The following RFTN1 variants were observed in gnomAD, a reference collection of about 807,000 sequenced individuals.
RFTN1 encodes the protein raftlin.
In RFTN1, 26 loss-of-function variants were observed where a neutral mutation model predicts 46.5. The ratio of observed to expected loss-of-function variants is 0.56; its 90% CI spans 0.41 to 0.78. The LOEUF (loss-of-function observed/expected upper bound fraction) is 0.78, where lower values mean the gene tolerates loss of function less well. Among genes scored for constraint, RFTN1 ranks in the 30% least tolerant of loss-of-function variants. The pLI is 0.00. For synonymous variants in RFTN1, 261 were observed against 284.2 expected (o/e 0.92, Z 0.82); for missense variants, 693 against 718.7 (o/e 0.96, Z 0.41).
chr3:16,404,712 G>C (rs2074810002), intron 4 of RFTN1, among the ~76,000 whole-genome samples: 1 of 151,922 alleles, frequency 6.6e-6, no homozygotes, highest in African/African-American at 2.4e-5. Context: ...GCCTCCTCCA[G>C]TCTCAGTTCC....
intron 4 of RFTN1, among the ~76,000 whole-genome samples, chr3:16,389,013 AGAACATAAG>A (rs1380501696): frequency 2.6e-5 from 4 of 152,018 alleles, no homozygotes; most frequent in Non-Finnish European, 2.9e-5. Context: ...GTGAGTCAAA[AGAACATAAG>A]TTTAAAGAAT....
intron 4 of RFTN1, among the ~76,000 whole-genome samples, chr3:16,403,881 T>TA (rs549377920): frequency 0.9 from 7,298 of 8,126 alleles, 3,312 homozygotes; most frequent in Middle Eastern, 1. Flanking sequence ...TATTTATATA[T>TA]ATATATAATA....
chr3:16,494,925 CT>C (rs894172236), intron 1 of RFTN1, among the ~76,000 whole-genome samples: 1 of 152,150 alleles, frequency 6.6e-6, no homozygotes, highest in African/African-American at 2.4e-5. Context: ...TAAGAATTTC[CT>C]TTTGCTTAAT....
At position 16,457,443 on chromosome 3, in the gene RFTN1, A is replaced by G. The variant is rs2075928167; in HGVS notation, c.146-23406T>C. ...ATCCTATGAAGGGTTACATTTCTAG[A>G]ACATAGTAGTACTCAATAAATGCCG... is the stretch of plus-strand genomic sequence containing the variant. On this transcript the variant is annotated intron_variant, in intron 2 of 9. Coordinates refer to ENST00000334133, the MANE Select transcript of RFTN1 (RefSeq NM_015150.2). This position sits in a 1 kb window ranked among gnomAD's most constrained non-coding sequence, Gnocchi z 4.2. Among the ~76,000 whole-genome samples the G allele has an allele frequency of 6.6e-6, 1 of 152,316 alleles. No homozygotes were observed. The highest frequency in any genetic ancestry group is 2.4e-5 in the African/African-American group (1 of 41,572).
chr3:16,421,475 C>T lies in RFTN1; in HGVS notation c.333-11992G>A, dbSNP rs1050317257. Among the ~76,000 whole-genome samples, 4 of 152,124 alleles carry T rather than the reference C, an allele frequency of 2.6e-5. No individual in the cohort carries two copies. Among genetic ancestry groups the T allele is most frequent in the African/African-American group, 4.8e-5 (2 of 41,430 alleles). ...CAAGTGATTCTCCTGCCTCAGCCCC[C>T]GGAGTAGCTGGGACTACAGGTGCAT... On this transcript the variant is annotated intron_variant, in intron 3 of 9. Transcript: ENST00000334133. This position sits in a 1 kb window ranked among gnomAD's most constrained non-coding sequence, Gnocchi z 4.6.
At position 16,429,673 on chromosome 3, in the gene RFTN1, G is replaced by A. The variant is rs1294327812; in HGVS notation, c.332+4178C>T. 1.3e-5 allele frequency among the ~76,000 whole-genome samples: 2 copies of A among 152,236 alleles called. No individual in the cohort carries two copies. Among genetic ancestry groups the A allele is most frequent in the Non-Finnish European group, 2.9e-5 (2 of 68,040 alleles). On this transcript the variant is annotated intron_variant, in intron 3 of 9. Coordinates refer to ENST00000334133, the MANE Select transcript of RFTN1 (RefSeq NM_015150.2). The surrounding 1 kb of genome is among the most constrained non-coding windows in gnomAD (Gnocchi z 6.4). Reference sequence around the variant, plus strand: ...ATACTCTGAAAAGAGTACTCACTCAGCAAGTGTTAGTGAATGAGTGAGGGG... The same window carrying A: ...ATACTCTGAAAAGAGTACTCACTCAACAAGTGTTAGTGAATGAGTGAGGGG...
In RFTN1 at chr3:16,374,132, A is replaced by G. The variant is rs2073645824; in HGVS notation, c.826+3586T>C. On this transcript the variant is annotated intron_variant, in intron 5 of 9. Transcript: ENST00000334133. This position sits in a 1 kb window ranked among gnomAD's most constrained non-coding sequence, Gnocchi z 5.4. ...AAGGGCCTTTCACCTTCACCATCTC[A>G]TGTGACTCTCCCAAACTTGATGAGA... 6.6e-6 allele frequency among the ~76,000 whole-genome samples: 1 copy of G among 152,058 alleles called. No individual in the cohort carries two copies. Among genetic ancestry groups the G allele is most frequent in the African/African-American group, 2.4e-5 (1 of 41,410 alleles).
At chr3:16,369,981 C>T in intron 6 of RFTN1, 95 bp downstream of exon 6, 1 of 1,169,196 alleles carries the variant, frequency 8.6e-7, no homozygotes, top group Non-Finnish European at 1.3e-6. Context: ...GCAGAGCTTT[C>T]TGAATGAAGC....
In RFTN1 at chr3:16,321,550, C is replaced by T. The variant is rs543203248; in HGVS notation, c.1332+1826G>A. On this transcript the variant is annotated intron_variant, in intron 9 of 9. Coordinates refer to ENST00000334133, the MANE Select transcript of RFTN1 (RefSeq NM_015150.2). The surrounding 1 kb of genome is among the most constrained non-coding windows in gnomAD (Gnocchi z 4.8). ...AGCTGAGGAGTGAGGAGGGGACACCCAGTGCAGAAGATTCTTCCAAGGAGT... is the reference window on the plus strand; with the variant it reads ...AGCTGAGGAGTGAGGAGGGGACACCTAGTGCAGAAGATTCTTCCAAGGAGT... 6.6e-6 allele frequency among the ~76,000 whole-genome samples: 1 copy of T among 152,226 alleles called. No individual in the cohort carries two copies. The highest frequency in any genetic ancestry group is 2.4e-5 in the African/African-American group (1 of 41,514).
At chr3:16,404,385 A>G (rs1378228202) in intron 4 of RFTN1, among the ~76,000 whole-genome samples, 1 of 17,304 alleles carries the variant, frequency 5.8e-5, no homozygotes, top group Non-Finnish European at 8.6e-5. Context: ...TATATAATAT[A>G]TAATATATAT....
At chr3:16,391,879 TTTGTTTTTTTTTTTG>T (rs1156824363) in intron 4 of RFTN1, among the ~76,000 whole-genome samples, 9,392 of 40,124 alleles carry the variant, frequency 0.23, 1,651 homozygotes, top group Non-Finnish European at 0.31. Context: ...GTTTTTTTTT[TTTGTTTTTTTTTTTG>T]TTTTTTTTAC....
Position 16,363,263 on chromosome 3 carries a change from G to A in RFTN1, c.1031-5216C>T, listed in dbSNP as rs79679015. Reference sequence around the variant, plus strand: ...TCATGGCTCAGCCTCACTATAATGTGCACTGAATTGGGTATAAATAGGTTT... The same window carrying A: ...TCATGGCTCAGCCTCACTATAATGTACACTGAATTGGGTATAAATAGGTTT... On this transcript the variant is annotated intron_variant, in intron 6 of 9. Coordinates refer to ENST00000334133, the MANE Select transcript of RFTN1 (RefSeq NM_015150.2). 5.4e-3 allele frequency among the ~76,000 whole-genome samples: 828 copies of A among 152,130 alleles called. 9 individuals are homozygous for A. Among genetic ancestry groups the A allele is most frequent in the African/African-American group, 0.019 (808 of 41,512 alleles).
chr3:16,420,637 C>T (rs907510569), intron 3 of RFTN1, among the ~76,000 whole-genome samples: 4 of 152,238 alleles, frequency 2.6e-5, no homozygotes, highest in Non-Finnish European at 4.4e-5. Context: ...TGTTCTATAT[C>T]TGTACAGTCC....
chr3:16,415,430 T>TACACACACAC (rs1553589390), intron 3 of RFTN1, among the ~76,000 whole-genome samples: 210 of 113,780 alleles, frequency 1.8e-3, no homozygotes, highest in Non-Finnish European at 3.2e-3. Flanking sequence ...TATATATATA[T>TACACACACAC]ACACACACAC....
rs2076091302 is a variant in RFTN1, at chr3:16,466,341, G to A, written c.145+27384C>T. Among the ~76,000 whole-genome samples the A allele has an allele frequency of 6.6e-6, 1 of 152,162 alleles. No individual in the cohort carries two copies. Among genetic ancestry groups the A allele is most frequent in the Non-Finnish European group, 1.5e-5 (1 of 68,024 alleles). ...ATCAGTGTTTTACTTTACTTTTAAA[G>A]ATGTAATATCTATGAAATCTCTGTT... On this transcript the variant is annotated intron_variant, in intron 2 of 9. Transcript: ENST00000334133. This position sits in a 1 kb window ranked among gnomAD's most constrained non-coding sequence, Gnocchi z 5.6.
chr3:16,332,797 T>C (rs1030348491), intron 7 of RFTN1, among the ~76,000 whole-genome samples: 10 of 78,938 alleles, frequency 1.3e-4, no homozygotes, highest in African/African-American at 5.1e-4. Context: ...TCTTCTACTT[T>C]ATCTTCTTCT....
At chr3:16,411,956 T>A (rs564614685) in intron 3 of RFTN1, among the ~76,000 whole-genome samples, 3 of 152,348 alleles carry the variant, frequency 2.0e-5, no homozygotes, top group South Asian at 4.1e-4. Flanking sequence ...ACAGCCCAGA[T>A]CGATTCTAGG....
At position 16,450,458 on chromosome 3, in the gene RFTN1, T is replaced by C. The variant is rs1446215627; in HGVS notation, c.146-16421A>G. Among the ~76,000 whole-genome samples the C allele has an allele frequency of 1.3e-5, 2 of 152,160 alleles. No homozygotes were observed. The highest frequency in any genetic ancestry group is 1.3e-4 in the Admixed American group (2 of 15,280). ...AAGAGCCTGAGGCCCATCCAAGGGC[T>C]CTCTCCCACTGCACCATGATGCTGC... On this transcript the variant is annotated intron_variant, in intron 2 of 9. Coordinates refer to ENST00000334133, the MANE Select transcript of RFTN1 (RefSeq NM_015150.2). This position sits in a 1 kb window ranked among gnomAD's most constrained non-coding sequence, Gnocchi z 4.6.
chr3:16,434,006 C>G lies in RFTN1; in HGVS notation c.177G>C (p.Leu59=). The change falls in exon 3 of 10, where the codon CTG becomes CTC. Residue 59 remains leucine (L), a synonymous_variant. Coordinates refer to ENST00000334133, the MANE Select transcript of RFTN1 (RefSeq NM_015150.2). ...AELPGSSAVR[L]ASLRDLPAQL... is the part of the protein sequence containing the mutation. ...GGGCGGGCAGGTCACGCAGGGAGGC[C>G]AGCCTCACTGCTGAGGACCCAGGGA... 6.2e-7 allele frequency: 1 copy of G among 1,610,702 alleles called. No individual in the cohort carries two copies. Among genetic ancestry groups the G allele is most frequent in the South Asian group, 1.1e-5 (1 of 90,690 alleles).
Sources: gnomAD v4.1 joint callset for allele counts (sites outside exome capture counted in the v4.1 genomes callset) on GRCh38, gnomAD v4.1.1 for gene constraint, Gnocchi (gnomAD v3.1) non-coding constraint, MANE v1.5 for transcripts, NCBI Gene and HGNC (gene_info 2026-07-23, HGNC 2026-07-21) for gene names.